Variants in RANBP2 observed in about 807,000 individuals in gnomAD.
RANBP2 encodes the protein RAN binding protein 2.
In RANBP2, 57 loss-of-function variants were observed where a neutral mutation model predicts 303.6. That is an observed-to-expected ratio of 0.19 (90% confidence interval 0.15 to 0.23). The LOEUF (loss-of-function observed/expected upper bound fraction) is 0.23, where lower values mean the gene tolerates loss of function less well. Among genes scored for constraint, RANBP2 ranks in the 10% least tolerant of loss-of-function variants. RANBP2 has a pLI of 1.00. For missense variants in RANBP2, 3,138 were observed against 3,780.8 expected, an observed-to-expected ratio of 0.83 and a Z score of 4.46; for synonymous variants, 1,167 against 1,301.5, an observed-to-expected ratio of 0.90 and a Z score of 2.23.
the RANBP2 span, chr2:108,805,150 C>T: frequency 4.9e-6 from 2 of 406,754 alleles, no homozygotes; most frequent in Non-Finnish European, 8.6e-6. Flanking sequence ...TAAAATACTT[C>T]CAAATGTAAA....
the RANBP2 span, among the ~76,000 whole-genome samples, chr2:109,656,222 T>C: frequency 6.6e-6 from 1 of 152,180 alleles, no homozygotes; most frequent in Admixed American, 6.5e-5. Flanking sequence ...AGAGAGCCTC[T>C]CTGAGATGAG....
At chr2:109,053,477 A>G in the RANBP2 span, among the ~76,000 whole-genome samples, 2 of 152,200 alleles carry the variant, frequency 1.3e-5, no homozygotes, top group Non-Finnish European at 2.9e-5. Flanking sequence ...CCCGGGTTAT[A>G]AAGGCAGGGC....
At chr2:109,477,233 G>A in the RANBP2 span, among the ~76,000 whole-genome samples, 4 of 152,282 alleles carry the variant, frequency 2.6e-5, no homozygotes, top group Admixed American at 6.5e-5. Context: ...ACACCCTCAC[G>A]TGGTGACTGT....
chr2:109,031,393 T>C, the RANBP2 span, among the ~76,000 whole-genome samples: 2 of 152,112 alleles, frequency 1.3e-5, no homozygotes, highest in African/African-American at 2.4e-5. Context: ...AGCCTTCTTA[T>C]AAGGTTATCA....
chr2:109,288,627 GT>G, the RANBP2 span, among the ~76,000 whole-genome samples: 1 of 152,188 alleles, frequency 6.6e-6, no homozygotes, highest in African/African-American at 2.4e-5. Context: ...TGCAAGGCAA[GT>G]CATTGTCACC....
At chr2:109,554,315 C>T in the RANBP2 span, among the ~76,000 whole-genome samples, 4 of 152,188 alleles carry the variant, frequency 2.6e-5, no homozygotes, top group South Asian at 4.2e-4. Flanking sequence ...ACTTTCACAC[C>T]GCATTGCTTA....
chr2:108,766,919 A>G lies in RANBP2; in HGVS notation c.6380A>G (p.Lys2127Arg). ...AKLEQLAAKF[K>R]TPELAEEFKQ... Reference sequence around the variant, plus strand: ...CTAGAGCAGTTGGCAGCAAAATTTAAAACACCAGAGCTGGCTGAAGAATTC... The same window carrying G: ...CTAGAGCAGTTGGCAGCAAAATTTAGAACACCAGAGCTGGCTGAAGAATTC... Residue 2127 changes from lysine (K) to arginine (R), a missense_variant, in exon 20 of 29, where the codon AAA becomes AGA. This residue lies in a region of RANBP2 where 103 missense variants were observed against 214.3 expected (regional missense o/e 0.48). Coordinates refer to ENST00000283195, the MANE Select transcript of RANBP2 (RefSeq NM_006267.5). 1 of 1,610,296 alleles carries G rather than the reference A, an allele frequency of 6.2e-7. No individual in the cohort carries two copies. The highest frequency in any genetic ancestry group is 8.5e-7 in the Non-Finnish European group (1 of 1,179,852).
the RANBP2 span, among the ~76,000 whole-genome samples, chr2:108,860,513 G>GT: frequency 8.1e-3 from 1,147 of 141,916 alleles, 11 homozygotes; most frequent in South Asian, 0.034. Context: ...GGTTGTTGAG[G>GT]TTTTTTTTTT....
chr2:108,809,350 A>C, the RANBP2 span, among the ~76,000 whole-genome samples: 72 of 152,148 alleles, frequency 4.7e-4, 1 homozygote, highest in South Asian at 7.0e-3. Flanking sequence ...ATTTCTGTGA[A>C]GGATGTTGTT....
chr2:109,000,169 T>C, the RANBP2 span, among the ~76,000 whole-genome samples: 28 of 152,272 alleles, frequency 1.8e-4, no homozygotes, highest in African/African-American at 6.5e-4. Flanking sequence ...ATAACGGTGT[T>C]CCAGATGAGG....
chr2:109,751,411 C>T, the RANBP2 span, among the ~76,000 whole-genome samples: 4 of 142,798 alleles, frequency 2.8e-5, no homozygotes, highest in Admixed American at 7.1e-5. Flanking sequence ...AACCACCCCC[C>T]ACCCCTGCCA....
chr2:109,393,033 G>A, the RANBP2 span, among the ~76,000 whole-genome samples: 188 of 152,004 alleles, frequency 1.2e-3, 1 homozygote, highest in Non-Finnish European at 2.4e-3. Context: ...AGTGTTGATC[G>A]AAGTCCAGCC....
At chr2:109,080,634 C>G in the RANBP2 span, among the ~76,000 whole-genome samples, 69 of 152,126 alleles carry the variant, frequency 4.5e-4, no homozygotes, top group Non-Finnish European at 9.0e-4. Flanking sequence ...AGTGACCAAC[C>G]TTTCAAGAAC....
the RANBP2 span, chr2:108,929,047 C>G: frequency 2.2e-6 from 2 of 901,546 alleles, no homozygotes; most frequent in Non-Finnish European, 3.5e-6. Context: ...GTCCTGGATG[C>G]TGCTCCTTGT....
At chr2:108,745,236 G>C (rs1696418174) in intron 7 of RANBP2, among the ~76,000 whole-genome samples, 2 of 142,686 alleles carry the variant, frequency 1.4e-5, no homozygotes, top group Non-Finnish European at 3.0e-5. Context: ...TAGAGCTGTT[G>C]CCAAATATCT....
At chr2:108,812,026 G>A in the RANBP2 span, among the ~76,000 whole-genome samples, 1 of 151,902 alleles carries the variant, frequency 6.6e-6, no homozygotes, top group South Asian at 2.1e-4. Context: ...GATACCATAA[G>A]TAATATAATA....
the RANBP2 span, among the ~76,000 whole-genome samples, chr2:109,417,311 A>G: frequency 1.3e-5 from 2 of 152,030 alleles, no homozygotes; most frequent in African/African-American, 2.4e-5. Flanking sequence ...GTGACTCATG[A>G]TCCAGACCGG....
the RANBP2 span, among the ~76,000 whole-genome samples, chr2:109,521,564 C>T: frequency 6.6e-6 from 1 of 152,234 alleles, no homozygotes. Flanking sequence ...TCAGTGCATG[C>T]TCGCGGTCCC....
the RANBP2 span, among the ~76,000 whole-genome samples, chr2:109,346,462 G>A: frequency 2.0e-5 from 3 of 152,102 alleles, no homozygotes; most frequent in Non-Finnish European, 4.4e-5. Context: ...GAGAAAATGC[G>A]GCTTCTGGTA....
Sources: allele counts gnomAD v4.1 joint callset (sites outside exome capture counted in the v4.1 genomes callset), GRCh38; gene constraint gnomAD v4.1.1; regional missense constraint gnomAD v4.1.1; transcripts MANE v1.5; gene names NCBI Gene and HGNC (gene_info 2026-07-23, HGNC 2026-07-21).